The following CCNJL variants were observed in gnomAD, a reference collection of about 807,000 sequenced individuals.
The protein encoded by CCNJL is cyclin-J-like protein.
A neutral mutation model predicts 33.4 loss-of-function variants in CCNJL; 33 were observed. That is an observed-to-expected ratio of 0.99 (90% CI 0.75 to 1.32). The LOEUF (loss-of-function observed/expected upper bound fraction) is 1.32. Ranked by LOEUF, CCNJL falls within the 40% of genes most tolerant of loss-of-function variation. The pLI is 0.00. For missense variants in CCNJL, 512 were observed against 499.7 expected, an observed-to-expected ratio of 1.02 and a Z score of -0.23; for synonymous variants, 227 against 220.9, an observed-to-expected ratio of 1.03 and a Z score of -0.24.
chr5:160,282,328 T>C (rs1762241644), intron 2 of CCNJL, among the ~76,000 whole-genome samples: 1 of 148,820 alleles, frequency 6.7e-6, no homozygotes. Flanking sequence ...GACATAGACA[T>C]AAACGTTAAG....
chr5:160,299,459 C>T (rs146453438), intron 2 of CCNJL, among the ~76,000 whole-genome samples: 1 of 151,486 alleles, frequency 6.6e-6, no homozygotes, highest in African/African-American at 2.4e-5. Flanking sequence ...GCTTAAAAGA[C>T]GCTAAAAAAA....
Position 160,293,892 on chromosome 5 carries a change from G to A in CCNJL, c.67-13154C>T, listed in dbSNP as rs969136434. ...TCAAGGTGCAGTAAAGCAGGGCTGA[G>A]CTGCTCTCAAACACCAGCCACCAAG... On this transcript the variant is annotated intron_variant, in intron 2 of 5. Transcript: ENST00000257536. 4.6e-5 allele frequency among the ~76,000 whole-genome samples: 7 copies of A among 152,136 alleles called. No individual in the cohort carries two copies. In the East Asian group the frequency reaches 1.3e-3, roughly 29 times the overall value.
At chr5:160,319,682 G>A (rs1763417210) in intron 1 of CCNJL, among the ~76,000 whole-genome samples, 1 of 152,180 alleles carries the variant, frequency 6.6e-6, no homozygotes, top group Non-Finnish European at 1.5e-5. Flanking sequence ...TGGAATCCCA[G>A]TACGTTGGGA....
At chr5:160,285,213 T>C (rs1762365474) in intron 2 of CCNJL, among the ~76,000 whole-genome samples, 1 of 152,214 alleles carries the variant, frequency 6.6e-6, no homozygotes, top group East Asian at 1.9e-4. Context: ...CAATCAGTCA[T>C]GGAGCTCTTT....
In CCNJL at chr5:160,280,655, G is replaced by A; in HGVS notation, c.150C>T (p.Ser50=). The A allele has an allele frequency of 6.2e-7, 1 of 1,613,542 alleles. No individual in the cohort carries two copies. The highest frequency in any genetic ancestry group is 8.5e-7 in the Non-Finnish European group (1 of 1,179,912). The change falls in exon 3 of 6, where the codon AGC becomes AGT. Residue 50 remains serine, a synonymous_variant. Coordinates refer to ENST00000257536, the MANE Select transcript of CCNJL (RefSeq NM_001308173.3). ...RFFVDILTLL[S]SHCQLCPAAR... is the part of the protein sequence containing the mutation. ...CTGCAGGGCAGAGCTGGCAGTGGCTGCTCAGCAGGGTCAGGATGTCCACGA... is the reference window on the plus strand; with the variant it reads ...CTGCAGGGCAGAGCTGGCAGTGGCTACTCAGCAGGGTCAGGATGTCCACGA...
chr5:160,331,223 T>C (rs1452329644), intron 1 of CCNJL, among the ~76,000 whole-genome samples: 1 of 124,264 alleles, frequency 8.0e-6, no homozygotes, highest in East Asian at 2.1e-4. Flanking sequence ...TCTTTCTTTC[T>C]TTTTTTTTTT....
intron 3 of CCNJL, chr5:160,260,932 G>C (rs1002085031): frequency 6.6e-6 from 1 of 152,260 alleles, no homozygotes; most frequent in African/African-American, 2.4e-5. Flanking sequence ...GCCTGGCCTC[G>C]GTCTGTTCAC....
At chr5:160,260,028 G>A (rs1485817577) in intron 3 of CCNJL, among the ~76,000 whole-genome samples, 1 of 152,226 alleles carries the variant, frequency 6.6e-6, no homozygotes, top group Non-Finnish European at 1.5e-5. Flanking sequence ...TCTGTAAGAT[G>A]GAACCTATAC....
intron 1 of CCNJL, among the ~76,000 whole-genome samples, chr5:160,326,520 C>T (rs915850327): frequency 6.8e-6 from 1 of 147,204 alleles, no homozygotes; most frequent in Non-Finnish European, 1.5e-5. Flanking sequence ...GCCATTATGC[C>T]ATAAAGGCAA....
chr5:160,321,372 C>T (rs996455852), intron 1 of CCNJL, among the ~76,000 whole-genome samples: 4 of 152,116 alleles, frequency 2.6e-5, no homozygotes, highest in South Asian at 2.1e-4. Context: ...ACAAGCCTGC[C>T]GGGGGACCCT....
upstream of CCNJL, among the ~76,000 whole-genome samples, chr5:160,313,114 C>A (rs1379330782): frequency 6.6e-6 from 1 of 152,186 alleles, no homozygotes; most frequent in Non-Finnish European, 1.5e-5. Context: ...TATTGTGCTC[C>A]TGCAGAATAT....
chr5:160,260,118 T>C (rs775070718), intron 3 of CCNJL, among the ~76,000 whole-genome samples: 4 of 152,210 alleles, frequency 2.6e-5, no homozygotes, highest in African/African-American at 4.8e-5. Flanking sequence ...AAGCAGCCGA[T>C]AGCGGTCAGC....
At chr5:160,309,141 T>A (rs1407489221) in intron 2 of CCNJL, among the ~76,000 whole-genome samples, 1 of 152,238 alleles carries the variant, frequency 6.6e-6, no homozygotes, top group Admixed American at 6.5e-5. Flanking sequence ...TGGAGGTCTT[T>A]AAGCAGAGAA....
chr5:160,257,190 A>T (rs1761103423), intron 4 of CCNJL, among the ~76,000 whole-genome samples: 1 of 151,462 alleles, frequency 6.6e-6, no homozygotes, highest in African/African-American at 2.4e-5. Context: ...AAATTTAAAA[A>T]ATTGGCCGGG....
chr5:160,315,687 T>A (rs2113467879), upstream of CCNJL, among the ~76,000 whole-genome samples: 1 of 152,338 alleles, frequency 6.6e-6, no homozygotes, highest in Non-Finnish European at 1.5e-5. Flanking sequence ...CCTTTTTTCC[T>A]AATATTTCTG....
intron 2 of CCNJL, among the ~76,000 whole-genome samples, chr5:160,305,849 A>G (rs1763080366): frequency 6.6e-6 from 1 of 152,224 alleles, no homozygotes; most frequent in African/African-American, 2.4e-5. Flanking sequence ...CACTGCCTGA[A>G]ATCTAGAAAG....
At chr5:160,286,459 A>C (rs905907611) in intron 2 of CCNJL, among the ~76,000 whole-genome samples, 1 of 152,094 alleles carries the variant, frequency 6.6e-6, no homozygotes, top group Admixed American at 6.6e-5. Flanking sequence ...TCGTCATGGC[A>C]AAACCCCGTC....
chr5:160,324,121 G>A (rs892070431), intron 1 of CCNJL, among the ~76,000 whole-genome samples: 1 of 152,138 alleles, frequency 6.6e-6, no homozygotes, highest in Non-Finnish European at 1.5e-5. Context: ...TCTTCTATTG[G>A]TTCTGGTTCT....
At chr5:160,278,722 G>A (rs965200166) in intron 3 of CCNJL, among the ~76,000 whole-genome samples, 4 of 152,106 alleles carry the variant, frequency 2.6e-5, no homozygotes, top group Non-Finnish European at 4.4e-5. Flanking sequence ...AGCTTCCATG[G>A]CCCCATGGAA....
Sources: allele counts gnomAD v4.1 joint callset (sites outside exome capture counted in the v4.1 genomes callset), GRCh38; gene constraint gnomAD v4.1.1; transcripts MANE v1.5; gene names NCBI Gene and HGNC (gene_info 2026-07-23, HGNC 2026-07-21).